CRTC2: variants seen among roughly 807,000 people sequenced by gnomAD.
CRTC2 encodes the protein CREB regulated transcription coactivator 2, also known as CREB-regulated transcription coactivator 2.
A neutral mutation model predicts 70.9 loss-of-function variants in CRTC2; 25 were observed. The ratio of observed to expected loss-of-function variants is 0.35; its 90% CI spans 0.26 to 0.49. The LOEUF is 0.49. CRTC2 is among the 20% of genes least tolerant of loss of function. The pLI is 0.98. For missense variants in CRTC2, 737 were observed against 882.6 expected (o/e 0.83, Z 2.09); for synonymous variants, 330 against 364.1 (o/e 0.91, Z 1.07).
chr1:153,954,177 C>T, intron 4 of CRTC2, 78 bp downstream of exon 4: 1 of 1,099,706 alleles, frequency 9.1e-7, no homozygotes, highest in South Asian at 1.3e-5. Context: ...TAATCCCAGC[C>T]CCAACCCAGA....
At chr1:153,951,013 T>A (rs565313587) in intron 11 of CRTC2, among the ~76,000 whole-genome samples, 4 of 152,314 alleles carry the variant, frequency 2.6e-5, no homozygotes, top group Admixed American at 2.0e-4. Context: ...AAATAACTTG[T>A]CCAAGGTGAC....
intron 11 of CRTC2, among the ~76,000 whole-genome samples, chr1:153,949,731 C>T (rs544182672): frequency 1.3e-5 from 2 of 152,094 alleles, no homozygotes; most frequent in African/African-American, 2.4e-5. Context: ...CGTCTGTAGT[C>T]CCAGCTATTC....
At position 153,949,210 on chromosome 1, in the gene CRTC2, T is replaced by C. The variant is rs1680189406; in HGVS notation, c.1579A>G (p.Arg527Gly). The C allele has an allele frequency of 1.9e-6, 3 of 1,613,990 alleles. No homozygotes were observed. The highest frequency in any genetic ancestry group is 2.5e-6 in the Non-Finnish European group (3 of 1,180,024). The change falls in exon 12 of 14, where the codon AGG (arginine) becomes GGG (glycine). Residue 527 changes from arginine to glycine, a missense_variant. This residue lies in a region of CRTC2 where 699 missense variants were observed against 823.7 expected (regional missense o/e 0.85). Coordinates refer to ENST00000368633, the MANE Select transcript of CRTC2 (RefSeq NM_181715.3). ...TACGGTGTCCCATAATGAGACTGCCTGCCTGGGGGCTGCCCACCTGAGGAC... is the reference window on the plus strand; with the variant it reads ...TACGGTGTCCCATAATGAGACTGCCCGCCTGGGGGCTGCCCACCTGAGGAC... ...VQSSGGQPPG[R>G]QSHYGTPYPP...
chr1:153,950,648 C>T (rs1401871751), intron 11 of CRTC2, among the ~76,000 whole-genome samples: 1 of 152,230 alleles, frequency 6.6e-6, no homozygotes, highest in Admixed American at 6.5e-5. Context: ...CTAGTCTCAA[C>T]TCTTCCTAAC....
intron 1 of CRTC2, among the ~76,000 whole-genome samples, chr1:153,957,094 C>T (rs1333607629): frequency 6.6e-6 from 1 of 152,106 alleles, no homozygotes; most frequent in Non-Finnish European, 1.5e-5. Context: ...TATGCACACA[C>T]ATGCATTTAA....
At position 153,952,137 on chromosome 1, in the gene CRTC2, G is replaced by A; in HGVS notation, c.878C>T (p.Pro293Leu). The A allele has an allele frequency of 1.9e-6, 3 of 1,614,132 alleles. No homozygotes were observed. The highest frequency in any genetic ancestry group is 2.5e-6 in the Non-Finnish European group (3 of 1,179,986). The change falls in exon 10 of 14, where the codon CCT becomes CTT. Residue 293 changes from proline to leucine, a missense_variant. By Grantham distance (98) the Pro-to-Leu change is moderately conservative. Transcript: ENST00000368633. ...CAGGCTAGGGTAGGCTGTCTCTTCA[G>A]GGTCCAGGGGGGTGGGCAGTGGTGG... Reference protein sequence around the residue: ...FPPPLPTPLDPEETAYPSLSG... With the variant: ...FPPPLPTPLDLEETAYPSLSG...
At chr1:153,951,911 G>T in intron 10 of CRTC2, 107 bp downstream of exon 10, 1 of 1,425,088 alleles carries the variant, frequency 7.0e-7, no homozygotes, top group Non-Finnish European at 9.6e-7. Flanking sequence ...AGAGGTGACA[G>T]GCGGTGTGGG....
intron 1 of CRTC2, among the ~76,000 whole-genome samples, chr1:153,955,393 C>T (rs1419252009): frequency 6.6e-6 from 1 of 151,974 alleles, no homozygotes; most frequent in Non-Finnish European, 1.5e-5. Flanking sequence ...CCGTGAAACC[C>T]TGTCTCTACT....
In CRTC2 at chr1:153,958,575, GC is replaced by G; in HGVS notation, c.-79del. The stretch of plus-strand genomic sequence containing the variant: ...CCGCGGCCTCGGCCCGGCTCCTCCA[GC>G]CGTAGCCACCGCCGCCTCAGCGAGC... On this transcript the variant is annotated 5_prime_UTR_variant, in exon 1 of 14. Transcript: ENST00000368633. 7.1e-7 allele frequency: 1 copy of G among 1,405,390 alleles called. No homozygotes were observed. Among genetic ancestry groups the G allele is most frequent in the Non-Finnish European group, 9.5e-7 (1 of 1,052,572 alleles). The allele number at this position is 1,405,390 out of a possible 1,614,324, so 87.1% of individuals were successfully genotyped here.
Position 153,952,273 on chromosome 1 carries a change from G to A in CRTC2, c.753-11C>T. ...GGAGATGGAAAGATGCTAGGGGAAG[G>A]AGAGAAAAAGAAAGATGTAAATAGG... On this transcript the variant is annotated splice_polypyrimidine_tract_variant and intron_variant, in intron 9 of 13. Coordinates refer to ENST00000368633, the MANE Select transcript of CRTC2 (RefSeq NM_181715.3). 1.3e-6 allele frequency: 2 copies of A among 1,599,238 alleles called. No homozygotes were observed. Among genetic ancestry groups the A allele is most frequent in the Non-Finnish European group, 8.5e-7 (1 of 1,171,294 alleles).
intron 10 of CRTC2, 100 bp from the exon 11 acceptor site, chr1:153,951,766 G>A (rs895232199): frequency 3.1e-6 from 4 of 1,295,002 alleles, no homozygotes; most frequent in Admixed American, 2.3e-5. Flanking sequence ...TATGAAAGCG[G>A]CAACACAACG....
At position 153,948,295 on chromosome 1, in the gene CRTC2, T is replaced by G; in HGVS notation, c.1896A>C (p.Ala632=). 1.2e-6 allele frequency: 2 copies of G among 1,614,274 alleles called. No individual in the cohort carries two copies. Among genetic ancestry groups the G allele is most frequent in the South Asian group, 2.2e-5 (2 of 91,092 alleles). The change falls in exon 14 of 14, where the codon GCA becomes GCC. Residue 632 remains alanine (A), a synonymous_variant. Coordinates refer to ENST00000368633, the MANE Select transcript of CRTC2 (RefSeq NM_181715.3). ...AGCCAGGCACTCCGGCCAGGGCTGC[T>G]GCAATCTCCTTAGAGAAACCTGGAG... ...DSSPGFSKEI[A]AALAGVPGFE...
Position 153,947,824 on chromosome 1 carries a change from G to A in CRTC2, c.*285C>T. ...CATCCGGAAAAGCCCTGCTTCCAGG[G>A]CTCCCCTCTACCCCTGCTTTCCAAC... On this transcript the variant is annotated 3_prime_UTR_variant, in exon 14 of 14. Coordinates refer to ENST00000368633, the MANE Select transcript of CRTC2 (RefSeq NM_181715.3). 2.1e-6 allele frequency: 1 copy of A among 474,020 alleles called. No homozygotes were observed. The highest frequency in any genetic ancestry group is 2.2e-5 in the South Asian group (1 of 44,848). The allele number at this position is 474,020 out of a possible 1,614,324, so 29.4% of individuals were successfully genotyped here.
intron 1 of CRTC2, among the ~76,000 whole-genome samples, chr1:153,956,688 A>G (rs1316381843): frequency 6.6e-6 from 1 of 152,090 alleles, no homozygotes; most frequent in African/African-American, 2.4e-5. Context: ...TCTGTCTCAA[A>G]TGAGCCCTCC....
intron 1 of CRTC2, chr1:153,957,941 A>C: frequency 2.5e-6 from 2 of 791,534 alleles, no homozygotes; most frequent in Non-Finnish European, 3.2e-6. Flanking sequence ...AGGAGATCAC[A>C]AACTCAGAGG....
In CRTC2 at chr1:153,948,175, A is replaced by T. The variant is rs1391885206; in HGVS notation, c.2016T>A (p.Ser672Arg). 6.2e-7 allele frequency: 1 copy of T among 1,614,082 alleles called. No homozygotes were observed. The highest frequency in any genetic ancestry group is 8.5e-7 in the Non-Finnish European group (1 of 1,180,036). Reference sequence around the variant, plus strand: ...GATCAGGCAGCAGGGCACAGGGGTCACTCAGCATGTTTAGCCCTTCCAGGC... The same window carrying T: ...GATCAGGCAGCAGGGCACAGGGGTCTCTCAGCATGTTTAGCCCTTCCAGGC... ...PLGLEGLNML[S>R]DPCALLPDPA... The change falls in exon 14 of 14, where the codon AGT becomes AGA. Residue 672 changes from serine to arginine, a missense_variant. By Grantham distance (110) the Ser-to-Arg change is moderately radical. This residue lies in a region of CRTC2 where 699 missense variants were observed against 823.7 expected (regional missense o/e 0.85). Transcript: ENST00000368633.
At position 153,958,538 on chromosome 1, in the gene CRTC2, C is replaced by A; in HGVS notation, c.-41G>T. ...CTCCCTGCCACCCTCCCAGTACCAG[C>A]CGCGGCCTCCGCCGCGGCCTCGGCC... On this transcript the variant is annotated 5_prime_UTR_variant, in exon 1 of 14. Coordinates refer to ENST00000368633, the MANE Select transcript of CRTC2 (RefSeq NM_181715.3). 1 of 1,537,818 alleles carries A rather than the reference C, an allele frequency of 6.5e-7. No individual in the cohort carries two copies. Among genetic ancestry groups the A allele is most frequent in the Non-Finnish European group, 8.8e-7 (1 of 1,142,030 alleles).
chr1:153,950,730 G>A (rs966798250), intron 11 of CRTC2, among the ~76,000 whole-genome samples: 1 of 152,108 alleles, frequency 6.6e-6, no homozygotes. Flanking sequence ...TGAAGGAATT[G>A]GGCTCCACAG....
chr1:153,958,145 C>G (rs1251366962), intron 1 of CRTC2, 200 bp downstream of exon 1: 1 of 1,416,506 alleles, frequency 7.1e-7, no homozygotes. Context: ...ACACCCCGAA[C>G]CTCTCCGGTG....
Sources: allele counts gnomAD v4.1 joint callset (sites outside exome capture counted in the v4.1 genomes callset), GRCh38; gene constraint gnomAD v4.1.1; regional missense constraint gnomAD v4.1.1; transcripts MANE v1.5; gene names NCBI Gene and HGNC (gene_info 2026-07-23, HGNC 2026-07-21).